Variants in SGCZ observed in about 807,000 individuals in gnomAD.
The protein encoded by SGCZ is zeta-sarcoglycan.
In SGCZ, 40 loss-of-function variants were observed where a neutral mutation model predicts 41.3. That is an observed-to-expected ratio of 0.97 (90% confidence interval 0.75 to 1.26). The LOEUF is 1.26. SGCZ is among the 50% of genes most tolerant of loss of function. The pLI is 0.00. For synonymous variants in SGCZ, 206 were observed against 137.5 expected, an observed-to-expected ratio of 1.50 and a Z score of -3.49; for missense variants, 552 against 369.8, an observed-to-expected ratio of 1.49 and a Z score of -4.04.
intron 1 of SGCZ, among the ~76,000 whole-genome samples, chr8:14,820,769 C>A (rs1802052012): frequency 6.6e-6 from 1 of 151,454 alleles, no homozygotes; most frequent in Non-Finnish European, 1.5e-5. Flanking sequence ...TAAAAGGGAT[C>A]TAAAAATTTT....
At position 14,675,369 on chromosome 8, in the gene SGCZ, A is replaced by G. The variant is rs148701305; in HGVS notation, c.40-120443T>C. Reference sequence around the variant, plus strand: ...CATTTCTCTCTTTAGAATGTACAACATATATTTATTGTTTCAGAAAGGTCC... The same window carrying G: ...CATTTCTCTCTTTAGAATGTACAACGTATATTTATTGTTTCAGAAAGGTCC... On this transcript the variant is annotated intron_variant, in intron 1 of 7. Transcript: ENST00000382080. Among the ~76,000 whole-genome samples the G allele has an allele frequency of 1.2e-3, 189 of 152,068 alleles. 3 individuals carry two copies. The highest frequency in any genetic ancestry group is 9.1e-3 in the Admixed American group (138 of 15,240).
At chr8:14,219,402 C>T (rs1806110434) in intron 4 of SGCZ, among the ~76,000 whole-genome samples, 1 of 152,156 alleles carries the variant, frequency 6.6e-6, no homozygotes, top group South Asian at 2.1e-4. Context: ...CAGAAAGGGC[C>T]AAATTCTAAT....
chr8:14,130,610 T>C (rs1216126773), intron 5 of SGCZ, among the ~76,000 whole-genome samples: 3 of 152,144 alleles, frequency 2.0e-5, no homozygotes, highest in African/African-American at 7.2e-5. Context: ...TTTAGGCAGA[T>C]AGTGAGGGTA....
At chr8:14,629,754 G>A (rs561584907) in intron 1 of SGCZ, among the ~76,000 whole-genome samples, 1 of 152,138 alleles carries the variant, frequency 6.6e-6, no homozygotes, top group South Asian at 2.1e-4. Flanking sequence ...AAATCTATGG[G>A]TTTATGAGCG....
intron 2 of SGCZ, among the ~76,000 whole-genome samples, chr8:14,407,860 T>G (rs926629585): frequency 6.6e-6 from 1 of 152,162 alleles, no homozygotes; most frequent in African/African-American, 2.4e-5. Context: ...CTAAATACAC[T>G]TGAAAGAAGT....
intron 1 of SGCZ, among the ~76,000 whole-genome samples, chr8:14,669,373 GTAAGTAAGTAAGTAAA>G (rs1418376976): frequency 1.4e-4 from 14 of 98,174 alleles, no homozygotes; most frequent in African/African-American, 7.6e-4. Context: ...AAGTAAGTAA[GTAAGTAAGTAAGTAAA>G]TAAATAAATA....
chr8:15,183,856 A>G (rs1322011673), intron 1 of SGCZ, among the ~76,000 whole-genome samples: 1 of 152,212 alleles, frequency 6.6e-6, no homozygotes, highest in African/African-American at 2.4e-5. Flanking sequence ...CACAAAAATT[A>G]ACTTTACTAG....
intron 1 of SGCZ, among the ~76,000 whole-genome samples, chr8:14,811,730 T>C (rs2250963): frequency 6.6e-6 from 1 of 151,474 alleles, no homozygotes; most frequent in Non-Finnish European, 1.5e-5. Context: ...GCCGTGATCA[T>C]ACAGAAGCAA....
In SGCZ at chr8:14,417,925, C is replaced by G. The variant is rs978415760; in HGVS notation, c.235-93721G>C. On this transcript the variant is annotated intron_variant, in intron 2 of 7. Transcript: ENST00000382080. ...TATTTATATTAATCAGGTTTTTAAT[C>G]AGAGATTCACATATTTTTATCATGA... Among the ~76,000 whole-genome samples, 6 of 151,724 alleles carry G rather than the reference C, an allele frequency of 4.0e-5. No homozygotes were observed. The South Asian group carries it at 1.0e-3, about 26-fold the overall frequency.
At chr8:14,522,228 G>GT (rs1364120810) in intron 2 of SGCZ, among the ~76,000 whole-genome samples, 1 of 151,970 alleles carries the variant, frequency 6.6e-6, no homozygotes, top group African/African-American at 2.4e-5. Context: ...TGTAGTTTTA[G>GT]TTTTTGGCGC....
intron 1 of SGCZ, among the ~76,000 whole-genome samples, chr8:14,735,791 TG>T (rs1256442488): frequency 2.0e-5 from 3 of 152,106 alleles, no homozygotes; most frequent in Non-Finnish European, 4.4e-5. Context: ...TAGTATAACA[TG>T]TCATGGACAC....
chr8:14,220,847 C>A (rs906360223), intron 4 of SGCZ, among the ~76,000 whole-genome samples: 3 of 151,904 alleles, frequency 2.0e-5, no homozygotes, highest in Non-Finnish European at 2.9e-5. Flanking sequence ...GCCACTTCTA[C>A]CATTTAAAGG....
intron 2 of SGCZ, among the ~76,000 whole-genome samples, chr8:14,458,741 A>G (rs1035836530): frequency 6.6e-6 from 1 of 152,160 alleles, no homozygotes. Context: ...TCTATTTCCC[A>G]GCTCTGTCTG....
rs937066505 is a variant in SGCZ at position 14,938,911 on chromosome 8, T to C, written c.39+298674A>G. ...CGCAGTTGGTTGAATCCCCAAATGC[T>C]GAACCTATGGATTCAAAGGGCTAAG... On this transcript the variant is annotated intron_variant, in intron 1 of 7. Transcript: ENST00000382080. Among the ~76,000 whole-genome samples, 3 of 152,124 alleles carry C rather than the reference T, an allele frequency of 2.0e-5. No individual in the cohort carries two copies. The East Asian group carries it at 5.8e-4, about 29-fold the overall frequency.
chr8:15,001,728 C>CA (rs1223307583), intron 1 of SGCZ, among the ~76,000 whole-genome samples: 8,285 of 79,920 alleles, frequency 0.1, 418 homozygotes, highest in Non-Finnish European at 0.14. Context: ...GACTCCGTCT[C>CA]AAAAAAAAAA....
At chr8:15,220,327 G>T (rs1207533622) in intron 1 of SGCZ, among the ~76,000 whole-genome samples, 1 of 152,112 alleles carries the variant, frequency 6.6e-6, no homozygotes, top group South Asian at 2.1e-4. Context: ...TCCATTAAGT[G>T]TAAGAATCAG....
Position 14,862,553 on chromosome 8 carries a change from T to G in SGCZ, c.40-307627A>C, listed in dbSNP as rs1181608955. Among the ~76,000 whole-genome samples, 5 of 133,376 alleles carry G rather than the reference T, an allele frequency of 3.7e-5. No homozygotes were observed. In the East Asian group the frequency reaches 9.1e-4, roughly 24 times the overall value. 87.5% of individuals were successfully genotyped at this position (133,376 alleles called of 152,430 possible). A position where few individuals can be genotyped will look rare whatever the true frequency, so the allele number is the denominator to read the frequency against. ...TCTTTAAGATATATATATATATATATATATATATATATATATATATATATA... is the reference window on the plus strand; with the variant it reads ...TCTTTAAGATATATATATATATATAGATATATATATATATATATATATATA... On this transcript the variant is annotated intron_variant, in intron 1 of 7. Transcript: ENST00000382080.
intron 2 of SGCZ, among the ~76,000 whole-genome samples, chr8:14,498,394 C>A (rs1802054964): frequency 6.6e-6 from 1 of 152,000 alleles, no homozygotes; most frequent in Admixed American, 6.6e-5. Flanking sequence ...GGTTGATATA[C>A]CCTTTTTATC....
At chr8:14,410,643 A>T (rs574446264) in intron 2 of SGCZ, among the ~76,000 whole-genome samples, 1 of 152,076 alleles carries the variant, frequency 6.6e-6, no homozygotes, top group Non-Finnish European at 1.5e-5. Context: ...GAGCATTACT[A>T]CAAATACCTA....
Sources: allele counts gnomAD v4.1 joint callset (sites outside exome capture counted in the v4.1 genomes callset), GRCh38; gene constraint gnomAD v4.1.1; transcripts MANE v1.5; gene names NCBI Gene and HGNC (gene_info 2026-07-23, HGNC 2026-07-21).